The following ZDHHC14 variants were observed in gnomAD, a reference collection of about 807,000 sequenced individuals.
The protein encoded by ZDHHC14 is zDHHC palmitoyltransferase 14, also known as palmitoyltransferase ZDHHC14.
ZDHHC14 carries 16 observed loss-of-function variants against 47.7 expected under a neutral mutation model. The observed-to-expected ratio is 0.34, with a 90% CI of 0.23 to 0.51. ZDHHC14 has a LOEUF of 0.51. ZDHHC14 is among the 20% of genes least tolerant of loss of function. The probability of loss-of-function intolerance (pLI) is 0.97; values close to 1 mark genes in which losing one functional copy is unlikely to be tolerated. For missense variants in ZDHHC14, 515 were observed against 662.5 expected, an observed-to-expected ratio of 0.78 and a Z score of 2.44; for synonymous variants, 293 against 278.9, an observed-to-expected ratio of 1.05 and a Z score of -0.50.
In ZDHHC14 at chr6:157,672,575, C is replaced by T. The variant is rs190101008; in HGVS notation, c.1069-149C>T. The T allele has an allele frequency of 2.5e-3, 2,159 of 856,614 alleles. 10 individuals are homozygous for T. The highest frequency in any genetic ancestry group is 3.1e-3 in the Non-Finnish European group (1,742 of 560,882). 53.1% of individuals were successfully genotyped at this position (856,614 alleles called of 1,614,324 possible). A position where few individuals can be genotyped will look rare whatever the true frequency, so the allele number is the denominator to read the frequency against. Reference sequence around the variant, plus strand: ...CAATGCACCTGGACCACTGTAGGCGCTCCCTGCCTGGCTGACTGAGGTGTC... The same window carrying T: ...CAATGCACCTGGACCACTGTAGGCGTTCCCTGCCTGGCTGACTGAGGTGTC... On this transcript the variant is annotated intron_variant, in intron 8 of 8. Coordinates refer to ENST00000359775, the MANE Select transcript of ZDHHC14 (RefSeq NM_024630.3).
chr6:157,479,692 C>A (rs763386569), intron 1 of ZDHHC14, among the ~76,000 whole-genome samples: 47 of 152,164 alleles, frequency 3.1e-4, no homozygotes, highest in Non-Finnish European at 2.8e-4. Context: ...CTGATCAAGT[C>A]GTTATCAGGA....
intron 1 of ZDHHC14, among the ~76,000 whole-genome samples, chr6:157,474,250 C>T (rs1030783362): frequency 1.3e-5 from 2 of 152,150 alleles, no homozygotes; most frequent in African/African-American, 4.8e-5. Flanking sequence ...CTCAGGCTCC[C>T]AAAGTCCTGC....
chr6:157,522,021 A>T (rs1414253987), intron 1 of ZDHHC14, among the ~76,000 whole-genome samples: 1 of 150,774 alleles, frequency 6.6e-6, no homozygotes, highest in Non-Finnish European at 1.5e-5. Context: ...AACAAGTTGC[A>T]TTTTTTTTTT....
intron 3 of ZDHHC14, among the ~76,000 whole-genome samples, chr6:157,606,811 G>A (rs906356705): frequency 4.6e-5 from 7 of 152,238 alleles, no homozygotes; most frequent in African/African-American, 1.4e-4. Flanking sequence ...AGGGGTCCAC[G>A]AACTTGGAGA....
At chr6:157,663,080 A>T (rs1398910951) in intron 8 of ZDHHC14, among the ~76,000 whole-genome samples, 1 of 152,182 alleles carries the variant, frequency 6.6e-6, no homozygotes, top group Non-Finnish European at 1.5e-5. Flanking sequence ...TTGCTCATAG[A>T]TGGATAAATT....
intron 1 of ZDHHC14, among the ~76,000 whole-genome samples, chr6:157,436,891 C>G (rs1050120712): frequency 3.9e-5 from 6 of 152,030 alleles, no homozygotes; most frequent in African/African-American, 7.2e-5. Context: ...AGATCATCTA[C>G]GCAGAGCTGT....
intron 2 of ZDHHC14, among the ~76,000 whole-genome samples, chr6:157,567,227 G>A (rs989403831): frequency 6.6e-6 from 1 of 152,106 alleles, no homozygotes; most frequent in African/African-American, 2.4e-5. Flanking sequence ...TTGTCAAGCT[G>A]GGGGCTGGGG....
intron 1 of ZDHHC14, among the ~76,000 whole-genome samples, chr6:157,383,938 G>T (rs971053847): frequency 2.0e-5 from 3 of 152,182 alleles, no homozygotes; most frequent in African/African-American, 4.8e-5. Flanking sequence ...GGGCATAGAG[G>T]TTCCCCATGA....
chr6:157,578,734 T>G (rs1783400817), intron 2 of ZDHHC14, among the ~76,000 whole-genome samples: 2 of 152,196 alleles, frequency 1.3e-5, no homozygotes, highest in Admixed American at 6.5e-5. Flanking sequence ...GGCTGGCATT[T>G]CCCCTGCTTG....
chr6:157,458,871 T>TTTTTTTTTTTTTTTTTTTTG (rs1491563247), intron 1 of ZDHHC14, among the ~76,000 whole-genome samples: 1 of 115,226 alleles, frequency 8.7e-6, no homozygotes, highest in Non-Finnish European at 2.0e-5. Flanking sequence ...TTTTTTTTTT[T>TTTTTTTTTTTTTTTTTTTTG]GAGACGGAGT....
intron 1 of ZDHHC14, among the ~76,000 whole-genome samples, chr6:157,511,926 T>C (rs1272041323): frequency 6.6e-6 from 1 of 152,104 alleles, no homozygotes; most frequent in Non-Finnish European, 1.5e-5. Flanking sequence ...TCACGATGTC[T>C]GGGAGAGAAG....
At position 157,480,033 on chromosome 6, in the gene ZDHHC14, G is replaced by C. The variant is rs999858063; in HGVS notation, c.246-62552G>C. On this transcript the variant is annotated intron_variant, in intron 1 of 8. Coordinates refer to ENST00000359775, the MANE Select transcript of ZDHHC14 (RefSeq NM_024630.3). ...GCAGGCACATTGGGAGGGCCAACTG[G>C]ACAACAGTGGCCCACCTATGTCACA... 3.3e-5 allele frequency among the ~76,000 whole-genome samples: 5 copies of C among 152,160 alleles called. No homozygotes were observed. The South Asian group carries it at 1.0e-3, about 31-fold the overall frequency.
chr6:157,574,241 G>A (rs1783212421), intron 2 of ZDHHC14, among the ~76,000 whole-genome samples: 2 of 151,774 alleles, frequency 1.3e-5, no homozygotes, highest in Non-Finnish European at 2.9e-5. Flanking sequence ...TGGCCAAGAT[G>A]GCAAAATCCT....
chr6:157,394,634 C>T (rs532823672), intron 1 of ZDHHC14, among the ~76,000 whole-genome samples: 1 of 152,358 alleles, frequency 6.6e-6, no homozygotes, highest in East Asian at 1.9e-4. Context: ...CACACTCCCA[C>T]TTTTTTGAGC....
At chr6:157,518,375 G>A (rs1780777754) in intron 1 of ZDHHC14, among the ~76,000 whole-genome samples, 1 of 131,682 alleles carries the variant, frequency 7.6e-6, no homozygotes, top group South Asian at 3.0e-4. Context: ...GAGCTCTCCA[G>A]GGGCAATAGG....
chr6:157,666,721 G>A (rs947479622), intron 8 of ZDHHC14, among the ~76,000 whole-genome samples: 5 of 152,104 alleles, frequency 3.3e-5, no homozygotes, highest in African/African-American at 1.2e-4. Flanking sequence ...CTGTACACTC[G>A]GTTTTTTCAG....
rs34668715 is a variant in ZDHHC14 at position 157,492,005 on chromosome 6, C to T, written c.246-50580C>T. On this transcript the variant is annotated intron_variant, in intron 1 of 8. Coordinates refer to ENST00000359775, the MANE Select transcript of ZDHHC14 (RefSeq NM_024630.3). ...CCTACCACAGGCCGGCCAGGGAAGC[C>T]GGGGCTCCCCGCCAGAACACTGCCT... 2.0e-5 allele frequency among the ~76,000 whole-genome samples: 3 copies of T among 152,214 alleles called. No homozygotes were observed. In the Middle Eastern group the frequency reaches 0.01, roughly 518 times the overall value.
At chr6:157,432,060 T>G (rs1331248095) in intron 1 of ZDHHC14, among the ~76,000 whole-genome samples, 3 of 152,092 alleles carry the variant, frequency 2.0e-5, no homozygotes, top group African/African-American at 7.2e-5. Context: ...GTTGCTTTCA[T>G]TTTTTACTCT....
At chr6:157,594,245 G>A (rs553571178) in intron 3 of ZDHHC14, among the ~76,000 whole-genome samples, 1 of 152,316 alleles carries the variant, frequency 6.6e-6, no homozygotes, top group East Asian at 1.9e-4. Context: ...ATAATCTACA[G>A]TTTGCCACAA....
Sources: allele counts gnomAD v4.1 joint callset (sites outside exome capture counted in the v4.1 genomes callset), GRCh38; gene constraint gnomAD v4.1.1; transcripts MANE v1.5; gene names NCBI Gene and HGNC (gene_info 2026-07-23, HGNC 2026-07-21).